TRAPPC9: variants seen among roughly 807,000 people sequenced by gnomAD.
TRAPPC9 encodes trafficking protein particle complex subunit 9.
A neutral mutation model predicts 124.0 loss-of-function variants in TRAPPC9; 83 were observed. The observed-to-expected ratio is 0.67, with a 90% CI of 0.56 to 0.80. The LOEUF (loss-of-function observed/expected upper bound fraction) is 0.80. Ranked by LOEUF, TRAPPC9 falls within the 30% of genes least tolerant of loss-of-function variation. The pLI is 0.00. For synonymous variants in TRAPPC9, 638 were observed against 617.5 expected, an observed-to-expected ratio of 1.03 and a Z score of -0.49; for missense variants, 1,302 against 1,508.3, an observed-to-expected ratio of 0.86 and a Z score of 2.27.
At chr8:140,310,865 C>T (rs749799872) in intron 10 of TRAPPC9, among the ~76,000 whole-genome samples, 2 of 151,928 alleles carry the variant, frequency 1.3e-5, no homozygotes, top group African/African-American at 2.4e-5. Context: ...GCCCTGTTCC[C>T]GTGTGGCTGG....
intron 17 of TRAPPC9, among the ~76,000 whole-genome samples, chr8:140,196,010 A>T (rs113991175): frequency 4.5e-3 from 624 of 139,878 alleles, no homozygotes; most frequent in East Asian, 1.0e-2. Flanking sequence ...AACACTCAGC[A>T]ATCCACTGTA....
At chr8:140,200,455 G>T (rs2062761417) in intron 17 of TRAPPC9, among the ~76,000 whole-genome samples, 1 of 152,110 alleles carries the variant, frequency 6.6e-6, no homozygotes, top group African/African-American at 2.4e-5. Context: ...GGACCAAAAA[G>T]AGTCACTTTC....
intron 17 of TRAPPC9, among the ~76,000 whole-genome samples, chr8:140,056,513 T>C (rs1048411572): frequency 1.3e-5 from 2 of 151,738 alleles, no homozygotes; most frequent in African/African-American, 4.8e-5. Context: ...AACTTATGCA[T>C]ATAAAGTCAA....
At position 139,879,654 on chromosome 8, in the gene TRAPPC9, C is replaced by T. The variant is rs563786668; in HGVS notation, c.3055+6225G>A. On this transcript the variant is annotated intron_variant, in intron 21 of 22. Transcript: ENST00000438773. ...CCCGCAGGCTCTCCCCAGGCCTCCCCTGTGTTGGCCCTGCTGTCCTACACC... is the reference window on the plus strand; with the variant it reads ...CCCGCAGGCTCTCCCCAGGCCTCCCTTGTGTTGGCCCTGCTGTCCTACACC... Among the ~76,000 whole-genome samples, 56 of 152,338 alleles carry T rather than the reference C, an allele frequency of 3.7e-4. No individual in the cohort carries two copies. The East Asian group carries it at 8.5e-3, about 23-fold the overall frequency.
At chr8:140,026,086 A>C (rs1840131839) in intron 17 of TRAPPC9, among the ~76,000 whole-genome samples, 1 of 152,200 alleles carries the variant, frequency 6.6e-6, no homozygotes, top group African/African-American at 2.4e-5. Flanking sequence ...ACCTTGCATG[A>C]GTGGAATCCT....
rs778096926 is a variant in TRAPPC9, at chr8:140,425,188, C to T, written c.886+1427G>A. Among the ~76,000 whole-genome samples the T allele has an allele frequency of 2.2e-4, 33 of 152,204 alleles. 1 individual carries two copies. The highest frequency in any genetic ancestry group is 4.0e-4 in the Non-Finnish European group (27 of 68,048). On this transcript the variant is annotated intron_variant, in intron 5 of 22. Coordinates refer to ENST00000438773, the MANE Select transcript of TRAPPC9 (RefSeq NM_001160372.4). Reference sequence around the variant, plus strand: ...ATACAAAGGTCCCCAAGAGCAGAGGCCAGAAGGCATTAGCAGGAACTGGCG... The same window carrying T: ...ATACAAAGGTCCCCAAGAGCAGAGGTCAGAAGGCATTAGCAGGAACTGGCG...
chr8:140,273,326 T>C (rs1216937684), intron 15 of TRAPPC9, among the ~76,000 whole-genome samples: 2 of 152,206 alleles, frequency 1.3e-5, no homozygotes, highest in East Asian at 1.9e-4. Flanking sequence ...CTGTCAGCCA[T>C]TGTTCATAGC....
intron 12 of TRAPPC9, among the ~76,000 whole-genome samples, chr8:140,288,106 C>A (rs185319660): frequency 6.6e-6 from 1 of 152,250 alleles, no homozygotes; most frequent in Admixed American, 6.5e-5. Flanking sequence ...TTTGGGAGGC[C>A]AAGGTGGAAA....
intron 21 of TRAPPC9, among the ~76,000 whole-genome samples, chr8:139,757,101 A>T (rs1349742494): frequency 1.6e-4 from 20 of 127,496 alleles, no homozygotes; most frequent in Non-Finnish European, 2.8e-4. Context: ...GGGTTTGGGG[A>T]TGAGGACAGC....
chr8:140,103,371 G>C (rs1368955552), intron 17 of TRAPPC9, among the ~76,000 whole-genome samples: 1 of 152,172 alleles, frequency 6.6e-6, no homozygotes. Flanking sequence ...CAGAGCTCAC[G>C]TGAGGCAGCG....
At chr8:140,248,949 T>C (rs2064052632) in intron 16 of TRAPPC9, among the ~76,000 whole-genome samples, 1 of 152,264 alleles carries the variant, frequency 6.6e-6, no homozygotes, top group South Asian at 2.1e-4. Flanking sequence ...TGTTACTATT[T>C]TGAAAAATAT....
chr8:140,232,267 C>T (rs7822130), intron 16 of TRAPPC9, among the ~76,000 whole-genome samples: 99,879 of 151,392 alleles, frequency 0.66, 33,332 homozygotes, highest in Admixed American at 0.73. Context: ...TATAAGAATG[C>T]CAGAATGGAT....
At chr8:140,429,643 TAAAAATACG>T (rs1339322776) in intron 4 of TRAPPC9, among the ~76,000 whole-genome samples, 2 of 151,676 alleles carry the variant, frequency 1.3e-5, no homozygotes, top group Non-Finnish European at 2.9e-5. Context: ...ACATCTCTAC[TAAAAATACG>T]AAAATTAGCT....
At chr8:140,331,323 A>T (rs974125387) in intron 9 of TRAPPC9, among the ~76,000 whole-genome samples, 5 of 152,166 alleles carry the variant, frequency 3.3e-5, no homozygotes, top group African/African-American at 1.2e-4. Context: ...AATTGACTCA[A>T]AAGGGATTGA....
intron 21 of TRAPPC9, among the ~76,000 whole-genome samples, chr8:139,835,833 C>A (rs116603288): frequency 6.6e-6 from 1 of 152,010 alleles, no homozygotes; most frequent in Non-Finnish European, 1.5e-5. Flanking sequence ...GATGAGGCTC[C>A]GAGGACGGCA....
chr8:140,036,432 A>C (rs997169907), intron 17 of TRAPPC9, among the ~76,000 whole-genome samples: 1 of 152,114 alleles, frequency 6.6e-6, no homozygotes, highest in African/African-American at 2.4e-5. Flanking sequence ...CGGTACGCTG[A>C]GTGGGAAGGG....
At chr8:139,945,674 C>A (rs753770569) in intron 19 of TRAPPC9, among the ~76,000 whole-genome samples, 1 of 152,112 alleles carries the variant, frequency 6.6e-6, no homozygotes, top group South Asian at 2.1e-4. Flanking sequence ...TTCAGGCCCA[C>A]GTCCTCTTCC....
intron 17 of TRAPPC9, among the ~76,000 whole-genome samples, chr8:140,084,801 T>C (rs1844081314): frequency 6.6e-6 from 1 of 152,220 alleles, no homozygotes; most frequent in Admixed American, 6.5e-5. Context: ...TTTTCCTCCC[T>C]TGGAGACGTT....
intron 21 of TRAPPC9, among the ~76,000 whole-genome samples, chr8:139,804,439 T>TCACCACCACTCACCAC (rs1302934785): frequency 0.07 from 1,043 of 14,854 alleles, 58 homozygotes; most frequent in Admixed American, 0.11. Flanking sequence ...CCAAGCACCA[T>TCACCACCACTCACCAC]CACCACCACT....
Sources: allele counts gnomAD v4.1 joint callset (sites outside exome capture counted in the v4.1 genomes callset), GRCh38; gene constraint gnomAD v4.1.1; transcripts MANE v1.5; gene names NCBI Gene and HGNC (gene_info 2026-07-23, HGNC 2026-07-21).